The following PARM1 variants were observed in gnomAD, a reference collection of about 807,000 sequenced individuals.
PARM1 encodes WSC4, cell wall integrity and stress response component 4 homolog.
A neutral mutation model predicts 24.6 loss-of-function variants in PARM1; 14 were observed. That is an observed-to-expected ratio of 0.57 (90% CI 0.38 to 0.89). PARM1 has a LOEUF of 0.89. Ranked by LOEUF, PARM1 falls within the 40% of genes least tolerant of loss-of-function variation. The pLI is 0.00. For missense variants in PARM1, 362 were observed against 380.4 expected (o/e 0.95, Z 0.40); for synonymous variants, 179 against 156.6 (o/e 1.14, Z -1.07).
chr4:74,933,252 C>T lies in PARM1; in HGVS notation c.-76C>T, dbSNP rs544659802. The T allele has an allele frequency of 1.1e-4, 145 of 1,342,432 alleles. No homozygotes were observed. The East Asian group carries it at 2.7e-3, about 25-fold the overall frequency. The allele number at this position is 1,342,432 out of a possible 1,614,324, so 83.2% of individuals were successfully genotyped here. A position where few individuals can be genotyped will look rare whatever the true frequency, so the allele number is the denominator to read the frequency against. On this transcript the variant is annotated 5_prime_UTR_variant, in exon 1 of 4. Coordinates refer to ENST00000307428, the MANE Select transcript of PARM1 (RefSeq NM_015393.4). ...GCCCACCCGGCAGAGGAGTCGCTAC[C>T]AGCGCCCAGTGCGCTCTGTCAGTCC...
Position 74,933,133 on chromosome 4 carries a change from C to A in PARM1, c.-195C>A, listed in dbSNP as rs555599848. 1.3e-5 allele frequency: 7 copies of A among 543,886 alleles called. No individual in the cohort carries two copies. The South Asian group carries it at 1.4e-4, about 11-fold the overall frequency. The allele number at this position is 543,886 out of a possible 1,614,324, so 33.7% of individuals were successfully genotyped here. ...GATGGAGCAGAAGAGCGCGGAGCACCGGAGGGCACGCAGCTGACGGAGCTG... is the reference window on the plus strand; with the variant it reads ...GATGGAGCAGAAGAGCGCGGAGCACAGGAGGGCACGCAGCTGACGGAGCTG... On this transcript the variant is annotated 5_prime_UTR_variant, in exon 1 of 4. Coordinates refer to ENST00000307428, the MANE Select transcript of PARM1 (RefSeq NM_015393.4).
At chr4:75,033,542 G>C (rs980651089) in intron 2 of PARM1, among the ~76,000 whole-genome samples, 75 of 152,084 alleles carry the variant, frequency 4.9e-4, no homozygotes, top group East Asian at 1.9e-4. Context: ...CACTACCCCT[G>C]CAAACAACAG....
At chr4:74,936,503 G>C (rs1466955727) in intron 1 of PARM1, among the ~76,000 whole-genome samples, 1 of 149,616 alleles carries the variant, frequency 6.7e-6, no homozygotes, top group African/African-American at 2.5e-5. Flanking sequence ...TCCCAGGCTG[G>C]AGTGCAGTGG....
intron 1 of PARM1, among the ~76,000 whole-genome samples, chr4:74,960,446 G>A (rs759102976): frequency 6.6e-6 from 1 of 152,084 alleles, no homozygotes; most frequent in Non-Finnish European, 1.5e-5. Context: ...AAAACTAACC[G>A]AGAAGACCTT....
chr4:74,992,522 G>A (rs565106158), intron 1 of PARM1, among the ~76,000 whole-genome samples: 19 of 152,000 alleles, frequency 1.3e-4, no homozygotes, highest in Admixed American at 3.3e-4. Flanking sequence ...GAAACATGAA[G>A]AAAACTGCAT....
chr4:74,949,835 C>CTTT (rs746995341), intron 1 of PARM1, among the ~76,000 whole-genome samples: 1 of 135,774 alleles, frequency 7.4e-6, no homozygotes, highest in African/African-American at 2.7e-5. Context: ...GCCTCTTACT[C>CTTT]TTTTTTTTTT....
At chr4:74,962,200 T>A (rs1721788815) in intron 1 of PARM1, among the ~76,000 whole-genome samples, 1 of 152,176 alleles carries the variant, frequency 6.6e-6, no homozygotes, top group Non-Finnish European at 1.5e-5. Context: ...AGTTTTTGTA[T>A]GTTATTGAAG....
intron 1 of PARM1, among the ~76,000 whole-genome samples, chr4:74,955,634 T>C (rs1458230189): frequency 6.6e-6 from 1 of 152,212 alleles, no homozygotes; most frequent in African/African-American, 2.4e-5. Flanking sequence ...CCTCAGGATA[T>C]CTAGTACTGG....
chr4:74,933,680 C>T (rs1450926045), intron 1 of PARM1, among the ~76,000 whole-genome samples: 2 of 152,206 alleles, frequency 1.3e-5, no homozygotes, highest in Non-Finnish European at 2.9e-5. Flanking sequence ...CGCCTCAAGG[C>T]TTCTCTTTCT....
chr4:75,049,737 T>G lies in PARM1; in HGVS notation c.*3490T>G, dbSNP rs1006965895. 2.0e-5 allele frequency: 3 copies of G among 152,684 alleles called. No homozygotes were observed. The highest frequency in any genetic ancestry group is 2.9e-5 in the Non-Finnish European group (2 of 68,050). 9.5% of individuals were successfully genotyped at this position (152,684 alleles called of 1,614,324 possible). A position where few individuals can be genotyped will look rare whatever the true frequency, so the allele number is the denominator to read the frequency against. On this transcript the variant is annotated 3_prime_UTR_variant, in exon 4 of 4. Transcript: ENST00000307428. ...GGGTTAATTTTGATTTGATGTCATC[T>G]GTTTGCCCTTCATCTTGCTTGCAAG... is the stretch of plus-strand genomic sequence containing the variant.
chr4:74,970,313 A>G (rs1161508413), intron 1 of PARM1: 1 of 152,254 alleles, frequency 6.6e-6, no homozygotes, highest in Non-Finnish European at 1.5e-5. Context: ...GGCACTGCAG[A>G]AGGAGCTGTC....
In PARM1 at chr4:75,003,731, G is replaced by T. The variant is rs186595082; in HGVS notation, c.44-8694G>T. On this transcript the variant is annotated intron_variant, in intron 1 of 3. Coordinates refer to ENST00000307428, the MANE Select transcript of PARM1 (RefSeq NM_015393.4). ...TTGTAGATGTTAGATGAGCCTTCTG[G>T]AGCATTGGGTGCCCTCAGCAGAGCC... Among the ~76,000 whole-genome samples, 1,207 of 152,272 alleles carry T rather than the reference G, an allele frequency of 7.9e-3. 12 individuals are homozygous for T. The highest frequency in any genetic ancestry group is 0.012 in the Non-Finnish European group (799 of 68,022).
At chr4:74,937,815 G>A (rs1721224353) in intron 1 of PARM1, among the ~76,000 whole-genome samples, 2 of 152,220 alleles carry the variant, frequency 1.3e-5, no homozygotes, top group African/African-American at 2.4e-5. Context: ...AGCTGTTCCA[G>A]CAAACCAATG....
At chr4:74,998,882 C>G (rs945036722) in intron 1 of PARM1, among the ~76,000 whole-genome samples, 1 of 152,182 alleles carries the variant, frequency 6.6e-6, no homozygotes, top group African/African-American at 2.4e-5. Flanking sequence ...AAATAAAACC[C>G]GAAGGCTCTC....
intron 1 of PARM1, chr4:74,967,502 C>G (rs1560778329): frequency 6.6e-6 from 1 of 152,128 alleles, no homozygotes; most frequent in African/African-American, 2.4e-5. Flanking sequence ...ATGGAGAGCA[C>G]CAAAGCAGAG....
chr4:74,989,754 A>C (rs547511326), intron 1 of PARM1, among the ~76,000 whole-genome samples: 1 of 152,132 alleles, frequency 6.6e-6, no homozygotes, highest in African/African-American at 2.4e-5. Context: ...CCTGACTGCT[A>C]TCTAGAGTTG....
intron 1 of PARM1, among the ~76,000 whole-genome samples, chr4:74,971,640 T>A (rs77541543): frequency 0.013 from 1,919 of 152,332 alleles, 36 homozygotes; most frequent in African/African-American, 0.044. Context: ...GAGCTGACTT[T>A]GTTTATCTGA....
intron 1 of PARM1, among the ~76,000 whole-genome samples, chr4:74,946,891 A>T (rs370532948): frequency 6.6e-6 from 1 of 152,240 alleles, no homozygotes; most frequent in African/African-American, 2.4e-5. Flanking sequence ...ATAGATGAGT[A>T]GAAGAAAAAT....
chr4:74,963,544 A>G (rs114383598), intron 1 of PARM1, among the ~76,000 whole-genome samples: 2,085 of 152,330 alleles, frequency 0.014, 51 homozygotes, highest in African/African-American at 0.048. Flanking sequence ...AGTGAATGAA[A>G]TCAGACATAA....
Sources: allele counts gnomAD v4.1 joint callset (sites outside exome capture counted in the v4.1 genomes callset), GRCh38; gene constraint gnomAD v4.1.1; transcripts MANE v1.5; gene names NCBI Gene and HGNC (gene_info 2026-07-23, HGNC 2026-07-21).